Variants in TAGAP observed in about 807,000 individuals in gnomAD.
TAGAP encodes T cell activation RhoGTPase activating protein, also known as T-cell activation Rho GTPase-activating protein.
A neutral mutation model predicts 36.0 loss-of-function variants in TAGAP; 16 were observed. That is an observed-to-expected ratio of 0.44 (90% CI 0.30 to 0.68). TAGAP has a LOEUF of 0.68. Ranked by LOEUF, TAGAP falls within the 30% of genes least tolerant of loss-of-function variation. The probability of loss-of-function intolerance (pLI) is 0.09; values close to 1 mark genes in which losing one functional copy is unlikely to be tolerated. For synonymous variants in TAGAP, 372 were observed against 377.4 expected (o/e 0.99, Z 0.17); for missense variants, 794 against 921.5 (o/e 0.86, Z 1.79).
chr6:159,038,451 T>C (rs12527324), intron 8 of TAGAP, among the ~76,000 whole-genome samples: 20,337 of 151,370 alleles, frequency 0.13, 1,935 homozygotes, highest in East Asian at 0.4. Flanking sequence ...TGCAGTAGCC[T>C]GATCTCAGCT....
At position 159,041,473 on chromosome 6, in the gene TAGAP, C is replaced by A; in HGVS notation, c.358G>T (p.Gly120Trp). 1 of 1,614,200 alleles carries A rather than the reference C, an allele frequency of 6.2e-7. No individual in the cohort carries two copies. Among genetic ancestry groups the A allele is most frequent in the Non-Finnish European group, 8.5e-7 (1 of 1,180,024 alleles). Reference sequence around the variant, plus strand: ...TCGTTGGCTGCTCTCCTGAATATCCCTTCCGTTGAAGGGCCTTTAAGGCAT... The same window carrying A: ...TCGTTGGCTGCTCTCCTGAATATCCATTCCGTTGAAGGGCCTTTAAGGCAT... Reference protein sequence around the residue: ...ILCLKGPSTEGIFRRAANEKA... With the variant: ...ILCLKGPSTEWIFRRAANEKA... Residue 120 changes from glycine (G) to tryptophan (W), a missense_variant, in exon 6 of 10, where the codon GGG (glycine) becomes TGG (tryptophan). Physicochemically the swap from Gly to Trp is radical, Grantham distance 184. Coordinates refer to ENST00000367066, the MANE Select transcript of TAGAP (RefSeq NM_054114.5). This position sits in a 1 kb window ranked among gnomAD's most constrained non-coding sequence, Gnocchi z 4.1.
rs1779562262 is a variant in TAGAP at position 159,036,934 on chromosome 6, G to T, written c.1089C>A (p.Ala363=). Residue 363 remains alanine, a synonymous_variant, in exon 10 of 10, where the codon GCC becomes GCA. Transcript: ENST00000367066. This position sits in a 1 kb window ranked among gnomAD's most constrained non-coding sequence, Gnocchi z 4.9. ...VSPEPIVSTV[A]RLKSSLAQPD... ...GCTGTGCGAGGGAGCTTTTCAGCCT[G>T]GCCACGGTGCTCACAATGGGCTCTG... 1 of 1,613,562 alleles carries T rather than the reference G, an allele frequency of 6.2e-7. No homozygotes were observed. The highest frequency in any genetic ancestry group is 1.1e-5 in the South Asian group (1 of 91,084).
Position 159,040,672 on chromosome 6 carries a change from A to G in TAGAP, c.587+51T>C, listed in dbSNP as rs138328658. 7.6e-4 allele frequency: 1,087 copies of G among 1,421,510 alleles called. 10 individuals are homozygous for G. In the African/African-American group the frequency reaches 0.014, roughly 18 times the overall value. 88.1% of individuals were successfully genotyped at this position (1,421,510 alleles called of 1,614,324 possible). On this transcript the variant is annotated intron_variant, in intron 7 of 9. Transcript: ENST00000367066. ...ATTTAGAAAGCTGTGTAAAGAATCA[A>G]AAGACGGAGGTGATGTGGCCTGGCA... is the stretch of plus-strand genomic sequence containing the variant.
At chr6:159,043,896 C>A (rs1779844049) in intron 3 of TAGAP, 82 bp downstream of exon 3, 3 of 1,296,606 alleles carry the variant, frequency 2.3e-6, no homozygotes, top group African/African-American at 1.5e-5. Flanking sequence ...AATTACTATT[C>A]AACCCAAATA....
chr6:159,036,305 G>A lies in TAGAP; in HGVS notation c.1718C>T (p.Pro573Leu). The change falls in exon 10 of 10, where the codon CCC (proline) becomes CTC (leucine). Residue 573 changes from proline to leucine, a missense_variant. Physicochemically the swap from Pro to Leu is moderately conservative, Grantham distance 98 (BLOSUM62 -3). Coordinates refer to ENST00000367066, the MANE Select transcript of TAGAP (RefSeq NM_054114.5). This position sits in a 1 kb window ranked among gnomAD's most constrained non-coding sequence, Gnocchi z 4.9. The part of the protein sequence containing the change: ...NQTARGFCLR[P>L]HALSVDDVFQ... ...CACATCATCCACCGAGAGGGCGTGG[G>A]GTCTCAGGCAGAAGCCGCGGGCTGT... The A allele has an allele frequency of 1.9e-6, 3 of 1,613,638 alleles. No individual in the cohort carries two copies. The South Asian group carries it at 3.3e-5, about 18-fold the overall frequency.
At position 159,043,349 on chromosome 6, in the gene TAGAP, C is replaced by T. The variant is rs552564985; in HGVS notation, c.148+240G>A. Among the ~76,000 whole-genome samples the T allele has an allele frequency of 4.6e-5, 7 of 152,290 alleles. No homozygotes were observed. The South Asian group carries it at 1.5e-3, about 32-fold the overall frequency. On this transcript the variant is annotated intron_variant, in intron 4 of 9. Coordinates refer to ENST00000367066, the MANE Select transcript of TAGAP (RefSeq NM_054114.5). ...AACATACATGGCCAGGAGATTGAAC[C>T]GCATTAAAAACGCTTGGCAGAACTG...
Position 159,036,301 on chromosome 6 carries a change from G to A in TAGAP, c.1722C>T (p.His574=), listed in dbSNP as rs1360627679. The part of the protein sequence containing the change: ...QTARGFCLRP[H]ALSVDDVFQG... Reference sequence around the variant, plus strand: ...GGAACACATCATCCACCGAGAGGGCGTGGGGTCTCAGGCAGAAGCCGCGGG... The same window carrying A: ...GGAACACATCATCCACCGAGAGGGCATGGGGTCTCAGGCAGAAGCCGCGGG... Residue 574 remains histidine (H), a synonymous_variant, in exon 10 of 10, where the codon CAC becomes CAT. Coordinates refer to ENST00000367066, the MANE Select transcript of TAGAP (RefSeq NM_054114.5). This position sits in a 1 kb window ranked among gnomAD's most constrained non-coding sequence, Gnocchi z 4.9. 7.4e-6 allele frequency: 12 copies of A among 1,613,526 alleles called. No homozygotes were observed. Among genetic ancestry groups the A allele is most frequent in the African/African-American group, 1.3e-5 (1 of 74,986 alleles).
chr6:159,039,052 G>C, intron 8 of TAGAP, 62 bp downstream of exon 8: 2 of 1,606,658 alleles, frequency 1.2e-6, no homozygotes, highest in Admixed American at 3.3e-5. Flanking sequence ...TTATTGCCTG[G>C]ACTTGGCAAA....
At position 159,041,387 on chromosome 6, in the gene TAGAP, C is replaced by A. The variant is rs748068691; in HGVS notation, c.444G>T (p.Arg148Ser). The change falls in exon 6 of 10, where the codon AGG becomes AGT. Residue 148 changes from arginine to serine, a missense_variant. Transcript: ENST00000367066. The surrounding 1 kb of genome is among the most constrained non-coding windows in gnomAD (Gnocchi z 4.1). ...LNSGDAVDLE[R>S]LPVHLLAVVF... Reference sequence around the variant, plus strand: ...CCACAGCGAGGAGGTGCACGGGGAGCCTCTCCAGATCCACCGCATCCCCAG... The same window carrying A: ...CCACAGCGAGGAGGTGCACGGGGAGACTCTCCAGATCCACCGCATCCCCAG... 6.2e-7 allele frequency: 1 copy of A among 1,613,950 alleles called. No homozygotes were observed. The highest frequency in any genetic ancestry group is 8.5e-7 in the Non-Finnish European group (1 of 1,180,024).
Position 159,043,658 on chromosome 6 carries a change from A to G in TAGAP, c.82-3T>C, listed in dbSNP as rs41267767. ...AGGGGATGTTCCTTGATATCACCCT[A>G]AAAACATTTTTATTTCAGTTAAATA... On this transcript the variant is annotated splice_region_variant and splice_polypyrimidine_tract_variant and intron_variant, in intron 3 of 9. Coordinates refer to ENST00000367066, the MANE Select transcript of TAGAP (RefSeq NM_054114.5). 373 of 1,613,792 alleles carry G rather than the reference A, an allele frequency of 2.3e-4. No homozygotes were observed. Among genetic ancestry groups the G allele is most frequent in the Non-Finnish European group, 3.1e-4 (366 of 1,179,734 alleles).
At position 159,034,817 on chromosome 6, in the gene TAGAP, T is replaced by G. The variant is rs921296882; in HGVS notation, c.*1010A>C. Reference sequence around the variant, plus strand: ...GTGCTTTTTTAATGGTTTTGCAAATTCTGGAGAACAGGGACTGCTTCTTCC... The same window carrying G: ...GTGCTTTTTTAATGGTTTTGCAAATGCTGGAGAACAGGGACTGCTTCTTCC... On this transcript the variant is annotated 3_prime_UTR_variant, in exon 10 of 10. Coordinates refer to ENST00000367066, the MANE Select transcript of TAGAP (RefSeq NM_054114.5). The G allele has an allele frequency of 1.3e-5, 2 of 152,180 alleles. No homozygotes were observed. Among genetic ancestry groups the G allele is most frequent in the African/African-American group, 4.8e-5 (2 of 41,432 alleles). 9.4% of individuals were successfully genotyped at this position (152,180 alleles called of 1,614,324 possible).
At chr6:159,042,870 T>C (rs1332268724) in intron 4 of TAGAP, 1 of 152,628 alleles carries the variant, frequency 6.6e-6, no homozygotes, top group Non-Finnish European at 1.5e-5. Flanking sequence ...GCGGGAAGCC[T>C]TGAACCTAGA....
In TAGAP at chr6:159,036,426, CTT is replaced by C; in HGVS notation, c.1595_1596del (p.Gln532ArgfsTer28). On this transcript the variant is annotated frameshift_variant, in exon 10 of 10. Coordinates refer to ENST00000367066, the MANE Select transcript of TAGAP (RefSeq NM_054114.5). LOFTEE classifies it low-confidence loss of function (END_TRUNC). The surrounding 1 kb of genome is among the most constrained non-coding windows in gnomAD (Gnocchi z 4.9). ...KNLSAGSGKS[Q>X]DFTRDHVPRG... ...CTCGGGACGTGGTCCCTGGTAAAGT[CTT>C]GCGATTTCCCAGAGCCCGCGCTGAG... 1 of 1,614,176 alleles carries C rather than the reference CTT, an allele frequency of 6.2e-7. No homozygotes were observed. Among genetic ancestry groups the C allele is most frequent in the Non-Finnish European group, 8.5e-7 (1 of 1,180,030 alleles).
At chr6:159,043,755 G>T in intron 3 of TAGAP, 100 bp from the exon 4 acceptor site, 1 of 1,263,244 alleles carries the variant, frequency 7.9e-7, no homozygotes, top group Non-Finnish European at 1.1e-6. Context: ...TATTAAAAAT[G>T]AAGTCAGTAG....
At position 159,044,152 on chromosome 6, in the gene TAGAP, T is replaced by C. The variant is rs1387082822; in HGVS notation, c.-6A>G. 1.2e-6 allele frequency: 2 copies of C among 1,613,384 alleles called. No individual in the cohort carries two copies. The highest frequency in any genetic ancestry group is 3.3e-5 in the Admixed American group (2 of 59,730). On this transcript the variant is annotated 5_prime_UTR_variant, in exon 2 of 10. Transcript: ENST00000367066. ...TGGCTGCTTCTCAGCTTCATCAGTATTGCGGCTGACTGTCCAGGGGTGGAT... is the reference window on the plus strand; with the variant it reads ...TGGCTGCTTCTCAGCTTCATCAGTACTGCGGCTGACTGTCCAGGGGTGGAT...
intron 4 of TAGAP, chr6:159,042,555 T>C: frequency 3.4e-6 from 1 of 296,706 alleles, no homozygotes; most frequent in East Asian, 6.7e-5. Flanking sequence ...AAAACCTAAC[T>C]GTGCTGATCA....
chr6:159,036,428 T>TG lies in TAGAP; in HGVS notation c.1594dup (p.Gln532ProfsTer29). The stretch of plus-strand genomic sequence containing the variant: ...CGGGACGTGGTCCCTGGTAAAGTCT[T>TG]GCGATTTCCCAGAGCCCGCGCTGAG... On this transcript the variant is annotated frameshift_variant, in exon 10 of 10. Transcript: ENST00000367066. LOFTEE classifies it low-confidence loss of function (END_TRUNC). The surrounding 1 kb of genome is among the most constrained non-coding windows in gnomAD (Gnocchi z 4.9). 4 of 1,614,168 alleles carry TG rather than the reference T, an allele frequency of 2.5e-6. No homozygotes were observed. Among genetic ancestry groups the TG allele is most frequent in the Non-Finnish European group, 3.4e-6 (4 of 1,180,020 alleles).
intron 4 of TAGAP, 36 bp downstream of exon 4, chr6:159,043,553 A>T (rs1229233746): frequency 2.5e-6 from 4 of 1,602,656 alleles, no homozygotes; most frequent in Non-Finnish European, 3.4e-6. Context: ...GGTTGTTAGC[A>T]CTTACATAAA....
Position 159,041,007 on chromosome 6 carries a change from C to CCTG in TAGAP, c.478-176_478-175insCAG. 1 of 601,474 alleles carries CCTG rather than the reference C, an allele frequency of 1.7e-6. No homozygotes were observed. 37.3% of individuals were successfully genotyped at this position (601,474 alleles called of 1,614,324 possible). ...GAACCCTCTCTCCAACACCCTTGGCCTCTCTGCAACTTTCTAACATCAGGC... is the reference window on the plus strand; with the variant it reads ...GAACCCTCTCTCCAACACCCTTGGCCCTGTCTCTGCAACTTTCTAACATCAGGC... On this transcript the variant is annotated intron_variant, in intron 6 of 9. Coordinates refer to ENST00000367066, the MANE Select transcript of TAGAP (RefSeq NM_054114.5). The surrounding 1 kb of genome is among the most constrained non-coding windows in gnomAD (Gnocchi z 4.1).
Sources: gnomAD v4.1 joint callset for allele counts (sites outside exome capture counted in the v4.1 genomes callset) on GRCh38, gnomAD v4.1.1 for gene constraint, Gnocchi (gnomAD v3.1) non-coding constraint, MANE v1.5 for transcripts, NCBI Gene and HGNC (gene_info 2026-07-23, HGNC 2026-07-21) for gene names.